Variants in RGS7 observed in about 807,000 individuals in gnomAD.
RGS7 encodes the protein regulator of G protein signaling 7, also known as regulator of G-protein signaling 7.
RGS7 carries 27 observed loss-of-function variants against 81.1 expected under a neutral mutation model. The observed-to-expected ratio is 0.33, with a 90% CI of 0.25 to 0.46. The LOEUF is 0.46. RGS7 is among the 20% of genes least tolerant of loss of function. The pLI is 1.00. For synonymous variants in RGS7, 208 were observed against 207.7 expected (o/e 1.00, Z -0.01); for missense variants, 396 against 607.4 (o/e 0.65, Z 3.66).
At chr1:240,790,078 G>A (rs560096454) in intron 18 of RGS7, among the ~76,000 whole-genome samples, 55 of 152,056 alleles carry the variant, frequency 3.6e-4, no homozygotes, top group East Asian at 2.5e-3. Context: ...GTGAAATATC[G>A]GGGGTGAATT....
At chr1:240,864,730 G>A (rs1378955846) in intron 9 of RGS7, among the ~76,000 whole-genome samples, 1 of 152,186 alleles carries the variant, frequency 6.6e-6, no homozygotes, top group South Asian at 2.1e-4. Flanking sequence ...TTAAGTCAAG[G>A]TCAGACTATT....
chr1:241,106,964 T>C (rs913965793), intron 2 of RGS7, among the ~76,000 whole-genome samples: 1 of 151,676 alleles, frequency 6.6e-6, no homozygotes, highest in Non-Finnish European at 1.5e-5. Context: ...TGAAAATAAA[T>C]AAACAGATAA....
At chr1:241,158,718 A>G (rs1017047373) in intron 2 of RGS7, among the ~76,000 whole-genome samples, 3 of 152,190 alleles carry the variant, frequency 2.0e-5, no homozygotes, top group Non-Finnish European at 4.4e-5. Context: ...CCTTTTCCCT[A>G]CCAGTTTAGA....
intron 2 of RGS7, among the ~76,000 whole-genome samples, chr1:241,248,653 A>C (rs2076678212): frequency 6.6e-6 from 1 of 151,830 alleles, no homozygotes; most frequent in Admixed American, 6.6e-5. Context: ...TTTAAGCTAC[A>C]TCTCTTTGTA....
intron 3 of RGS7, among the ~76,000 whole-genome samples, chr1:241,072,490 T>C (rs1213407922): frequency 2.0e-5 from 3 of 152,142 alleles, no homozygotes; most frequent in East Asian, 1.9e-4. Flanking sequence ...CAGTGAGGCA[T>C]GGAATTTTCC....
chr1:241,153,087 G>A (rs147918562), intron 2 of RGS7, among the ~76,000 whole-genome samples: 4 of 152,244 alleles, frequency 2.6e-5, no homozygotes, highest in African/African-American at 4.8e-5. Context: ...TTTCCCATAC[G>A]AGCATCACTA....
intron 2 of RGS7, among the ~76,000 whole-genome samples, chr1:241,162,823 C>T (rs1036610889): frequency 1.3e-5 from 2 of 152,102 alleles, no homozygotes; most frequent in Non-Finnish European, 2.9e-5. Context: ...CTTTCTTCCC[C>T]GAGTTCACAC....
At chr1:240,874,846 ACC>A (rs1319840058) in intron 6 of RGS7, among the ~76,000 whole-genome samples, 1 of 151,992 alleles carries the variant, frequency 6.6e-6, no homozygotes, top group Non-Finnish European at 1.5e-5. Flanking sequence ...CTCGAGACCA[ACC>A]TGGCCAATAT....
intron 2 of RGS7, among the ~76,000 whole-genome samples, chr1:241,263,497 G>A (rs2077440102): frequency 6.6e-6 from 1 of 152,062 alleles, no homozygotes; most frequent in Admixed American, 6.6e-5. Flanking sequence ...AGCTTCTCTG[G>A]CTTATTTTGG....
intron 5 of RGS7, 77 bp downstream of exon 5, chr1:240,936,522 CT>C (rs746826649): frequency 3.7e-6 from 4 of 1,070,856 alleles, no homozygotes; most frequent in Non-Finnish European, 5.8e-6. Flanking sequence ...TTTAAAAGTT[CT>C]GTTCAAAAGA....
chr1:241,141,141 CT>C (rs1389732825), intron 2 of RGS7, among the ~76,000 whole-genome samples: 1 of 152,150 alleles, frequency 6.6e-6, no homozygotes, highest in Non-Finnish European at 1.5e-5. Flanking sequence ...AGTAGATGTT[CT>C]TTACTCAGAT....
At chr1:241,052,564 A>T (rs992410301) in intron 3 of RGS7, among the ~76,000 whole-genome samples, 4 of 152,064 alleles carry the variant, frequency 2.6e-5, no homozygotes, top group African/African-American at 9.7e-5. Context: ...GACCTTCTCT[A>T]TTTCTATAAA....
rs1450443878 is a variant in RGS7 at position 241,143,157 on chromosome 1, A to G, written c.79-44395T>C. 2.0e-5 allele frequency among the ~76,000 whole-genome samples: 3 copies of G among 152,172 alleles called. No individual in the cohort carries two copies. The East Asian group carries it at 5.8e-4, about 29-fold the overall frequency. ...GCGTTTTTGTCAGAGCCATTCAACA[A>G]GTCTCTAGGGAGTTCCAAATTTTCT... On this transcript the variant is annotated intron_variant, in intron 2 of 18. Transcript: ENST00000440928.
intron 9 of RGS7, among the ~76,000 whole-genome samples, chr1:240,832,034 G>A (rs1360134880): frequency 2.0e-5 from 3 of 151,926 alleles, no homozygotes; most frequent in South Asian, 2.1e-4. Context: ...TTTCAATCTC[G>A]ATGAGACCAT....
At chr1:241,002,925 T>C (rs2058484547) in intron 3 of RGS7, among the ~76,000 whole-genome samples, 1 of 152,154 alleles carries the variant, frequency 6.6e-6, no homozygotes, top group Admixed American at 6.5e-5. Flanking sequence ...AAACAAAAAA[T>C]TTATAATACA....
chr1:241,087,111 A>T (rs2063495009), intron 3 of RGS7, among the ~76,000 whole-genome samples: 1 of 152,144 alleles, frequency 6.6e-6, no homozygotes, highest in Non-Finnish European at 1.5e-5. Context: ...CTGTATCGCT[A>T]GGCCTGACAA....
At chr1:241,193,393 C>T (rs919196557) in intron 2 of RGS7, among the ~76,000 whole-genome samples, 2 of 152,196 alleles carry the variant, frequency 1.3e-5, no homozygotes, top group Admixed American at 1.3e-4. Context: ...TTGGTCCCCG[C>T]CATGTTTGGT....
At chr1:240,903,726 C>T (rs1169511363) in intron 6 of RGS7, among the ~76,000 whole-genome samples, 1 of 152,152 alleles carries the variant, frequency 6.6e-6, no homozygotes, top group African/African-American at 2.4e-5. Flanking sequence ...GTCATGGGTA[C>T]AGATCCCTCA....
intron 6 of RGS7, among the ~76,000 whole-genome samples, chr1:240,908,112 A>G (rs1671125771): frequency 6.7e-6 from 1 of 149,642 alleles, no homozygotes; most frequent in African/African-American, 2.5e-5. Context: ...AAAACCAAAC[A>G]CCACATGTTC....
Sources: allele counts gnomAD v4.1 joint callset (sites outside exome capture counted in the v4.1 genomes callset), GRCh38; gene constraint gnomAD v4.1.1; transcripts MANE v1.5; gene names NCBI Gene and HGNC (gene_info 2026-07-23, HGNC 2026-07-21).